The following KIF13A variants were observed in gnomAD, a reference collection of about 807,000 sequenced individuals.
KIF13A encodes the protein kinesin family member 13A.
A neutral mutation model predicts 212.2 loss-of-function variants in KIF13A; 79 were observed. The ratio of observed to expected loss-of-function variants is 0.37; its 90% CI spans 0.31 to 0.45. The LOEUF (loss-of-function observed/expected upper bound fraction) is 0.45, where lower values mean the gene tolerates loss of function less well. KIF13A is among the 20% of genes least tolerant of loss of function. KIF13A has a pLI of 1.00. For missense variants in KIF13A, 1,901 were observed against 2,209.0 expected (o/e 0.86, Z 2.79); for synonymous variants, 789 against 808.6 (o/e 0.98, Z 0.41).
chr6:17,784,985 T>C (rs1053409040), intron 28 of KIF13A, among the ~76,000 whole-genome samples: 3 of 152,218 alleles, frequency 2.0e-5, no homozygotes, highest in African/African-American at 7.2e-5. Context: ...AGGAATCTGA[T>C]TTCTCTTAAA....
chr6:17,798,332 A>G (rs1399381550), intron 22 of KIF13A, among the ~76,000 whole-genome samples: 4 of 152,206 alleles, frequency 2.6e-5, no homozygotes, highest in Non-Finnish European at 5.9e-5. Flanking sequence ...TTCAGATTTC[A>G]TCTTTCTAAA....
intron 3 of KIF13A, among the ~76,000 whole-genome samples, chr6:17,876,674 C>G (rs962225138): frequency 6.6e-6 from 1 of 152,070 alleles, no homozygotes; most frequent in Non-Finnish European, 1.5e-5. Flanking sequence ...GGGTCTCCCT[C>G]TGTTGCCCAG....
At chr6:17,792,909 C>G (rs932357401) in intron 25 of KIF13A, among the ~76,000 whole-genome samples, 30 of 152,150 alleles carry the variant, frequency 2.0e-4, no homozygotes, top group Non-Finnish European at 5.9e-5. Flanking sequence ...ACTCAGACTC[C>G]ATAGAGAAAT....
In KIF13A at chr6:17,918,274, T is replaced by C. The variant is rs941545194; in HGVS notation, c.147-20094A>G. ...TGCTTGACGTGCAGCAGAGGATAAA[T>C]GTTTACTGAATAAATACATACATGC... On this transcript the variant is annotated intron_variant, in intron 2 of 38. Transcript: ENST00000259711. The surrounding 1 kb of genome is among the most constrained non-coding windows in gnomAD (Gnocchi z 4.8). Among the ~76,000 whole-genome samples the C allele has an allele frequency of 2.6e-5, 4 of 152,094 alleles. No individual in the cohort carries two copies. Among genetic ancestry groups the C allele is most frequent in the African/African-American group, 9.7e-5 (4 of 41,402 alleles).
At chr6:17,943,721 A>G (rs2150559325) in intron 2 of KIF13A, among the ~76,000 whole-genome samples, 1 of 152,296 alleles carries the variant, frequency 6.6e-6, no homozygotes, top group East Asian at 1.9e-4. Flanking sequence ...AATTTACATA[A>G]TAACTAAACT....
chr6:17,823,118 C>T (rs1764615925), intron 16 of KIF13A, among the ~76,000 whole-genome samples: 1 of 151,866 alleles, frequency 6.6e-6, no homozygotes, highest in Non-Finnish European at 1.5e-5. Context: ...ATCACTGCAA[C>T]CTCCACCTCC....
In KIF13A at chr6:17,796,702, G is replaced by T. The variant is rs200248913; in HGVS notation, c.2909C>A (p.Ser970Tyr). The T allele has an allele frequency of 9.7e-5, 153 of 1,582,728 alleles. No individual in the cohort carries two copies. Among genetic ancestry groups the T allele is most frequent in the Non-Finnish European group, 7.0e-5 (81 of 1,163,024 alleles). The change falls in exon 23 of 39, where the codon TCT (serine) becomes TAT (tyrosine). Residue 970 changes from serine to tyrosine, a missense_variant. By Grantham distance (144) the Ser-to-Tyr change is moderately radical (BLOSUM62 -2). Around this residue, in one of 5 missense-constraint regions of KIF13A, gnomAD observed 534 missense variants for 536.9 expected, o/e 0.99. Coordinates refer to ENST00000259711, the MANE Select transcript of KIF13A (RefSeq NM_022113.6). ...GNGSSIWEVD[S>Y]LHAKTRTLHD... ...CAGTGTTCTTGTCTTAGCATGAAGA[G>T]AATCGACCTCCCAGATGGAGCTGCC...
chr6:17,804,400 T>C lies in KIF13A; in HGVS notation c.2415A>G (p.Lys805=), dbSNP rs770177167. The C allele has an allele frequency of 9.7e-5, 151 of 1,554,342 alleles. No homozygotes were observed. Among genetic ancestry groups the C allele is most frequent in the Non-Finnish European group, 1.3e-4 (148 of 1,148,280 alleles). ...VFLECLFCDV[K]LQYAVPIISQ... is the part of the protein sequence containing the mutation. ...TGATGATAGGGACTGCATACTGAAG[T>C]TTCACATCACAGAAGAGGCATTCCA... Residue 805 remains lysine, a synonymous_variant, in exon 20 of 39, where the codon AAA becomes AAG. Transcript: ENST00000259711.
chr6:17,771,783 G>A lies in KIF13A; in HGVS notation c.4476+125C>T. ...GCTTGAGAAAGAGGAATTCGAGAACGGGAACCATGGAGTGATGACCGTGCA... is the reference window on the plus strand; with the variant it reads ...GCTTGAGAAAGAGGAATTCGAGAACAGGAACCATGGAGTGATGACCGTGCA... On this transcript the variant is annotated intron_variant, in intron 37 of 38. Coordinates refer to ENST00000259711, the MANE Select transcript of KIF13A (RefSeq NM_022113.6). The surrounding 1 kb of genome is among the most constrained non-coding windows in gnomAD (Gnocchi z 5.4). 6.3e-6 allele frequency: 5 copies of A among 799,152 alleles called. No individual in the cohort carries two copies. The highest frequency in any genetic ancestry group is 4.9e-5 in the East Asian group (2 of 40,586). The allele number at this position is 799,152 out of a possible 1,614,324, so 49.5% of individuals were successfully genotyped here.
chr6:17,954,361 T>C (rs1050882058), intron 2 of KIF13A, among the ~76,000 whole-genome samples: 2 of 151,136 alleles, frequency 1.3e-5, no homozygotes, highest in Admixed American at 6.6e-5. Flanking sequence ...TAAACTCATA[T>C]AGCTCAAGGA....
Position 17,777,158 on chromosome 6 carries a change from C to T in KIF13A, c.4170+119G>A. On this transcript the variant is annotated intron_variant, in intron 34 of 38. Coordinates refer to ENST00000259711, the MANE Select transcript of KIF13A (RefSeq NM_022113.6). This position sits in a 1 kb window ranked among gnomAD's most constrained non-coding sequence, Gnocchi z 4.4. ...CCCTGGTACAGAGAAGCAGGCTACA[C>T]TTTGGGATGCCCACACCAGTTCCAT... 2 of 763,268 alleles carry T rather than the reference C, an allele frequency of 2.6e-6. No individual in the cohort carries two copies. The highest frequency in any genetic ancestry group is 4.6e-6 in the Non-Finnish European group (2 of 436,552). 47.3% of individuals were successfully genotyped at this position (763,268 alleles called of 1,614,324 possible).
At position 17,934,703 on chromosome 6, in the gene KIF13A, G is replaced by A. The variant is rs1012140820; in HGVS notation, c.147-36523C>T. On this transcript the variant is annotated intron_variant, in intron 2 of 38. Transcript: ENST00000259711. The surrounding 1 kb of genome is among the most constrained non-coding windows in gnomAD (Gnocchi z 5.4). ...CTTGGGAGGCCGAGGTGGGAGGATC[G>A]CTTGAGCCCAGGAGGTAGAGGCTGT... Among the ~76,000 whole-genome samples the A allele has an allele frequency of 7.9e-5, 12 of 151,338 alleles. No homozygotes were observed. The highest frequency in any genetic ancestry group is 1.2e-4 in the African/African-American group (5 of 41,122).
chr6:17,944,384 A>G (rs747196391), intron 2 of KIF13A, among the ~76,000 whole-genome samples: 1 of 152,230 alleles, frequency 6.6e-6, no homozygotes, highest in Non-Finnish European at 1.5e-5. Flanking sequence ...CCATTAAATA[A>G]CAAGCATATA....
intron 25 of KIF13A, among the ~76,000 whole-genome samples, chr6:17,791,696 T>A (rs1247591699): frequency 2.0e-5 from 3 of 151,832 alleles, no homozygotes. Flanking sequence ...AGGTGAGGAA[T>A]GCAAGACCAG....
At chr6:17,965,272 T>C (rs1779200461) in intron 2 of KIF13A, among the ~76,000 whole-genome samples, 1 of 152,204 alleles carries the variant, frequency 6.6e-6, no homozygotes, top group South Asian at 2.1e-4. Context: ...CTATGTTCTG[T>C]CTGCAAATTT....
In KIF13A at chr6:17,967,715, A is replaced by G. The variant is rs1779448838; in HGVS notation, c.146+19339T>C. On this transcript the variant is annotated intron_variant, in intron 2 of 38. Coordinates refer to ENST00000259711, the MANE Select transcript of KIF13A (RefSeq NM_022113.6). This position sits in a 1 kb window ranked among gnomAD's most constrained non-coding sequence, Gnocchi z 4.1. ...AGTGTTAGGTTTCCTCCTGCTCCCAACTGCCCAGCCACTGAGCCATCTGCC... is the reference window on the plus strand; with the variant it reads ...AGTGTTAGGTTTCCTCCTGCTCCCAGCTGCCCAGCCACTGAGCCATCTGCC... 6.6e-6 allele frequency among the ~76,000 whole-genome samples: 1 copy of G among 152,132 alleles called. No homozygotes were observed. The highest frequency in any genetic ancestry group is 2.4e-5 in the African/African-American group (1 of 41,442).
intron 13 of KIF13A, among the ~76,000 whole-genome samples, chr6:17,830,410 A>AT (rs1765344925): frequency 6.6e-6 from 1 of 151,514 alleles, no homozygotes; most frequent in Non-Finnish European, 1.5e-5. Flanking sequence ...CCAATACAGT[A>AT]AACACGGATA....
chr6:17,977,136 AGAAAT>A (rs1340012252), intron 2 of KIF13A, among the ~76,000 whole-genome samples: 2 of 128,356 alleles, frequency 1.6e-5, no homozygotes, highest in East Asian at 4.7e-4. Flanking sequence ...AAAAAAAAAA[AGAAAT>A]GCACATTCCC....
At chr6:17,762,601 C>G (rs1483581125), downstream of KIF13A, among the ~76,000 whole-genome samples, 1 of 152,128 alleles carries the variant, frequency 6.6e-6, no homozygotes, top group Admixed American at 6.5e-5. Flanking sequence ...CCTAATCTTA[C>G]AGTAAAGAAT....
Sources: gnomAD v4.1 joint callset for allele counts (sites outside exome capture counted in the v4.1 genomes callset) on GRCh38, gnomAD v4.1.1 for gene constraint, gnomAD v4.1.1 regional missense constraint, Gnocchi (gnomAD v3.1) non-coding constraint, MANE v1.5 for transcripts, NCBI Gene and HGNC (gene_info 2026-07-23, HGNC 2026-07-21) for gene names.